The following WDR41 variants were observed in gnomAD, a reference collection of about 807,000 sequenced individuals.
WDR41 encodes the protein WD repeat-containing protein 41.
WDR41 carries 63 observed loss-of-function variants against 69.3 expected under a neutral mutation model. That is an observed-to-expected ratio of 0.91 (90% CI 0.74 to 1.12). The LOEUF (loss-of-function observed/expected upper bound fraction) is 1.12, where lower values mean the gene tolerates loss of function less well. WDR41 is among the 50% of genes most tolerant of loss of function. The pLI is 0.00. For missense variants in WDR41, 543 were observed against 534.5 expected (o/e 1.02, Z -0.16); for synonymous variants, 185 against 192.1 (o/e 0.96, Z 0.31).
At chr5:77,437,728 C>T (rs1343396261) in intron 10 of WDR41, among the ~76,000 whole-genome samples, 1 of 152,170 alleles carries the variant, frequency 6.6e-6, no homozygotes. Flanking sequence ...CTTCCCTCCT[C>T]TTGCTACCTC....
chr5:77,620,535 T>TA, exon 1 of WDR41: 2 of 456,244 alleles, frequency 4.4e-6, no homozygotes, highest in Non-Finnish European at 8.8e-6. Context: ...AAAGAGAGGT[T>TA]AGGAGCAGAG....
At chr5:77,475,128 C>G (rs1041566626) in intron 2 of WDR41, among the ~76,000 whole-genome samples, 1 of 152,206 alleles carries the variant, frequency 6.6e-6, no homozygotes, top group Non-Finnish European at 1.5e-5. Flanking sequence ...AAACGGCGCA[C>G]CAGGAGATTA....
chr5:77,520,853 GA>G (rs1343357878), intron 1 of WDR41, among the ~76,000 whole-genome samples: 4 of 152,110 alleles, frequency 2.6e-5, no homozygotes, highest in African/African-American at 9.7e-5. Context: ...ATACAGGGCC[GA>G]AAACTAGGTT....
chr5:77,578,279 A>C (rs983914335), intron 1 of WDR41, among the ~76,000 whole-genome samples: 2 of 152,174 alleles, frequency 1.3e-5, no homozygotes, highest in African/African-American at 2.4e-5. Flanking sequence ...CAGGCTTAAC[A>C]CTGTAGGGAG....
At chr5:77,456,705 T>C (rs1231594906) in intron 5 of WDR41, among the ~76,000 whole-genome samples, 1 of 152,122 alleles carries the variant, frequency 6.6e-6, no homozygotes, top group Non-Finnish European at 1.5e-5. Context: ...AAATTTTTAT[T>C]TTATTATTTT....
At chr5:77,601,000 A>T (rs1744315203) in intron 1 of WDR41, among the ~76,000 whole-genome samples, 1 of 150,892 alleles carries the variant, frequency 6.6e-6, no homozygotes. Flanking sequence ...TCATCATCTA[A>T]GTCAGAGTAA....
chr5:77,562,815 T>C (rs890676121), intron 1 of WDR41, among the ~76,000 whole-genome samples: 2 of 152,162 alleles, frequency 1.3e-5, no homozygotes, highest in African/African-American at 4.8e-5. Flanking sequence ...CTAGTAAACA[T>C]ATTATTAGTG....
At chr5:77,462,680 T>A (rs1035356834) in intron 4 of WDR41, among the ~76,000 whole-genome samples, 5 of 152,234 alleles carry the variant, frequency 3.3e-5, no homozygotes, top group African/African-American at 1.2e-4. Context: ...AAGATTTTTA[T>A]GGGTTGGGAC....
At chr5:77,567,663 T>TAAAAAAAAA (rs60723638) in intron 1 of WDR41, among the ~76,000 whole-genome samples, 1 of 106,388 alleles carries the variant, frequency 9.4e-6, no homozygotes, top group African/African-American at 3.4e-5. Context: ...AACCAAATAG[T>TAAAAAAAAA]AAAAAAAAAA....
intron 1 of WDR41, among the ~76,000 whole-genome samples, chr5:77,609,300 C>G (rs1056249220): frequency 5.9e-5 from 9 of 152,162 alleles, no homozygotes; most frequent in African/African-American, 2.2e-4. Context: ...TTGAAGAGAG[C>G]AGTGGTTCTC....
chr5:77,476,642 C>G (rs1156416969), intron 2 of WDR41, among the ~76,000 whole-genome samples: 3 of 151,742 alleles, frequency 2.0e-5, no homozygotes, highest in Non-Finnish European at 2.9e-5. Context: ...CTGTCACCAC[C>G]AGGCCTGCTC....
At chr5:77,575,985 G>A (rs1259991932) in intron 1 of WDR41, among the ~76,000 whole-genome samples, 4 of 152,184 alleles carry the variant, frequency 2.6e-5, no homozygotes, top group African/African-American at 9.6e-5. Context: ...GCAGTCAGTC[G>A]GTCATACAAG....
Position 77,431,118 on chromosome 5 carries a change from GAC to G in WDR41, c.*2015_*2016del, listed in dbSNP as rs1402756865. 6.6e-6 allele frequency: 1 copy of G among 150,660 alleles called. No homozygotes were observed. The highest frequency in any genetic ancestry group is 1.5e-5 in the Non-Finnish European group (1 of 66,860). 9.3% of individuals were successfully genotyped at this position (150,660 alleles called of 1,614,324 possible). On this transcript the variant is annotated 3_prime_UTR_variant, in exon 13 of 13. Transcript: ENST00000296679. ...ATAAAGGAGCATCAGGATTTGAGATGACAGACTCTAAATTTTGAAAGAAGTTC... is the reference window on the plus strand; with the variant it reads ...ATAAAGGAGCATCAGGATTTGAGATGAGACTCTAAATTTTGAAAGAAGTTC...
chr5:77,568,269 G>A (rs568106373), intron 1 of WDR41, among the ~76,000 whole-genome samples: 36 of 152,244 alleles, frequency 2.4e-4, no homozygotes, highest in African/African-American at 7.7e-4. Context: ...CAGCTGCTGA[G>A]GCCAAACCAC....
intron 1 of WDR41, among the ~76,000 whole-genome samples, chr5:77,502,331 A>T (rs1286246288): frequency 6.6e-6 from 1 of 152,204 alleles, no homozygotes; most frequent in African/African-American, 2.4e-5. Context: ...AAAAAAAGTA[A>T]AAAGAAATGA....
chr5:77,434,088 G>C (rs1013507823), intron 12 of WDR41, among the ~76,000 whole-genome samples: 21 of 152,188 alleles, frequency 1.4e-4, no homozygotes, highest in Non-Finnish European at 1.6e-4. Context: ...TCAGCACTTC[G>C]GGAGGCTGAG....
chr5:77,490,839 G>T (rs1801742494), intron 1 of WDR41, among the ~76,000 whole-genome samples: 1 of 152,138 alleles, frequency 6.6e-6, no homozygotes, highest in Non-Finnish European at 1.5e-5. Context: ...AAGGATTTAG[G>T]ATTAATCTGA....
chr5:77,600,871 C>T (rs923675224), intron 1 of WDR41, among the ~76,000 whole-genome samples: 1 of 149,240 alleles, frequency 6.7e-6, no homozygotes, highest in Admixed American at 6.7e-5. Flanking sequence ...CAAAGTGAGA[C>T]AATGTCTCAA....
At position 77,432,397 on chromosome 5, in the gene WDR41, G is replaced by T. The variant is rs952323629; in HGVS notation, c.*738C>A. The T allele has an allele frequency of 2.0e-5, 3 of 152,602 alleles. No homozygotes were observed. Among genetic ancestry groups the T allele is most frequent in the Admixed American group, 2.0e-4 (3 of 15,278 alleles). The allele number at this position is 152,602 out of a possible 1,614,324, so 9.5% of individuals were successfully genotyped here. On this transcript the variant is annotated 3_prime_UTR_variant, in exon 13 of 13. Coordinates refer to ENST00000296679, the MANE Select transcript of WDR41 (RefSeq NM_018268.4). ...GAGTCAGTGGTCAGATGGGGCAGTT[G>T]CGCTCAGCTGCAGTCCCTGACTCCG...
Sources: allele counts gnomAD v4.1 joint callset (sites outside exome capture counted in the v4.1 genomes callset), GRCh38; gene constraint gnomAD v4.1.1; transcripts MANE v1.5; gene names NCBI Gene and HGNC (gene_info 2026-07-23, HGNC 2026-07-21).